Variants in DLGAP1 observed in about 807,000 individuals in gnomAD.
DLGAP1 encodes the protein DLG associated protein 1.
Under a neutral mutation model 90.8 loss-of-function variants are expected in DLGAP1, and 11 were observed. That is an observed-to-expected ratio of 0.12 (90% CI 0.08 to 0.20). DLGAP1 has a LOEUF of 0.20. DLGAP1 is among the 10% of genes least tolerant of loss of function. DLGAP1 has a pLI of 1.00. For missense variants in DLGAP1, 1,050 were observed against 1,333.8 expected (o/e 0.79, Z 3.31); for synonymous variants, 558 against 540.7 (o/e 1.03, Z -0.44).
intron 1 of DLGAP1, among the ~76,000 whole-genome samples, chr18:4,266,709 A>G (rs1311702096): frequency 6.6e-6 from 1 of 152,254 alleles, no homozygotes; most frequent in East Asian, 1.9e-4. Flanking sequence ...TAAAAGCTCA[A>G]TGATATTTGG....
intron 4 of DLGAP1, among the ~76,000 whole-genome samples, chr18:3,842,649 C>T (rs990656384): frequency 6.6e-6 from 1 of 150,684 alleles, no homozygotes; most frequent in African/African-American, 2.4e-5. Context: ...AGAGGAGAGA[C>T]ACGAGGGTGA....
Position 4,334,193 on chromosome 18 carries a change from G to A in DLGAP1, c.-267+120813C>T, listed in dbSNP as rs1028692983. ...GCAGAGGTTGTGGTGAGCCGAGATC[G>A]CGTCATTGCACTCCAGCCCGGGCAA... On this transcript the variant is annotated intron_variant, in intron 1 of 12. Coordinates refer to ENST00000315677, the MANE Select transcript of DLGAP1 (RefSeq NM_004746.4). 7.9e-5 allele frequency among the ~76,000 whole-genome samples: 12 copies of A among 151,584 alleles called. 1 individual carries two copies. Among genetic ancestry groups the A allele is most frequent in the African/African-American group, 1.5e-4 (6 of 41,040 alleles).
intron 3 of DLGAP1, among the ~76,000 whole-genome samples, chr18:3,937,823 G>T (rs574807763): frequency 9.2e-5 from 14 of 152,158 alleles, no homozygotes; most frequent in Non-Finnish European, 2.1e-4. Flanking sequence ...GCGATTAAGC[G>T]TGAGGGCTTT....
chr18:3,695,520 T>C (rs974013654), intron 7 of DLGAP1, among the ~76,000 whole-genome samples: 6 of 152,190 alleles, frequency 3.9e-5, no homozygotes, highest in Non-Finnish European at 8.8e-5. Flanking sequence ...TATAGATGTG[T>C]GGCATTATTT....
chr18:4,114,047 T>G (rs1703160585), intron 2 of DLGAP1, among the ~76,000 whole-genome samples: 1 of 143,156 alleles, frequency 7.0e-6, no homozygotes, highest in Non-Finnish European at 1.5e-5. Flanking sequence ...AGTAATGTGA[T>G]GCCTCTGGCT....
At chr18:3,780,450 G>A (rs1172604706) in intron 5 of DLGAP1, among the ~76,000 whole-genome samples, 1 of 152,094 alleles carries the variant, frequency 6.6e-6, no homozygotes, top group Non-Finnish European at 1.5e-5. Context: ...GCTTTTAGAG[G>A]CCTCCTGTAT....
chr18:4,148,512 A>G (rs897224863), intron 2 of DLGAP1, among the ~76,000 whole-genome samples: 5 of 152,186 alleles, frequency 3.3e-5, no homozygotes, highest in Non-Finnish European at 5.9e-5. Flanking sequence ...TGTTCAGGTG[A>G]GAAGACACAG....
chr18:3,928,890 G>C (rs530923108), intron 3 of DLGAP1, among the ~76,000 whole-genome samples: 1 of 152,292 alleles, frequency 6.6e-6, no homozygotes, highest in Admixed American at 6.5e-5. Context: ...GTAGGACCTG[G>C]TGGGAGGTGA....
intron 1 of DLGAP1, among the ~76,000 whole-genome samples, chr18:4,213,695 T>A (rs1466545522): frequency 6.6e-6 from 1 of 152,148 alleles, no homozygotes; most frequent in African/African-American, 2.4e-5. Flanking sequence ...CAGTGTCAAA[T>A]AGCTGCAGAA....
chr18:3,570,339 T>A (rs1335581831), intron 8 of DLGAP1, among the ~76,000 whole-genome samples: 1 of 151,018 alleles, frequency 6.6e-6, no homozygotes, highest in Non-Finnish European at 1.5e-5. Context: ...AGTGCAGTGG[T>A]ATGATCTCGG....
chr18:4,059,219 G>T (rs2075265422), intron 2 of DLGAP1, among the ~76,000 whole-genome samples: 2 of 152,168 alleles, frequency 1.3e-5, no homozygotes, highest in Non-Finnish European at 2.9e-5. Context: ...ATGAATGGGG[G>T]CTGCCCTGTT....
intron 3 of DLGAP1, chr18:3,977,807 C>T: frequency 2.6e-6 from 1 of 388,242 alleles, no homozygotes; most frequent in South Asian, 2.1e-5. Flanking sequence ...TCAGAGGCGA[C>T]AACCTGGTGC....
intron 1 of DLGAP1, among the ~76,000 whole-genome samples, chr18:4,186,648 T>C (rs2077300815): frequency 6.6e-6 from 1 of 152,194 alleles, no homozygotes; most frequent in African/African-American, 2.4e-5. Context: ...TCTTTTTTTG[T>C]ACCAGTACCA....
intron 2 of DLGAP1, among the ~76,000 whole-genome samples, chr18:4,016,330 G>A (rs1431552969): frequency 6.6e-6 from 1 of 152,186 alleles, no homozygotes; most frequent in African/African-American, 2.4e-5. Context: ...GCTGGTGAGC[G>A]GCCTCACCTG....
At chr18:3,888,043 G>A (rs2071364015) in intron 3 of DLGAP1, among the ~76,000 whole-genome samples, 1 of 147,026 alleles carries the variant, frequency 6.8e-6, no homozygotes, top group African/African-American at 2.5e-5. Flanking sequence ...GGGAGGCGGA[G>A]CTTGCAGTGA....
intron 3 of DLGAP1, among the ~76,000 whole-genome samples, chr18:3,926,715 C>T (rs1009013110): frequency 6.6e-6 from 1 of 151,952 alleles, no homozygotes; most frequent in Non-Finnish European, 1.5e-5. Context: ...CGTACATATT[C>T]ACATATTTCC....
At chr18:4,284,866 G>A (rs1207973226) in intron 1 of DLGAP1, among the ~76,000 whole-genome samples, 2 of 152,154 alleles carry the variant, frequency 1.3e-5, no homozygotes, top group East Asian at 1.9e-4. Flanking sequence ...TAGTCCCATT[G>A]TACTCTATGC....
At chr18:3,683,655 G>A (rs1163074301) in intron 7 of DLGAP1, among the ~76,000 whole-genome samples, 1 of 152,098 alleles carries the variant, frequency 6.6e-6, no homozygotes, top group African/African-American at 2.4e-5. Context: ...TCAGACAAAG[G>A]ATTATCATCA....
intron 1 of DLGAP1, among the ~76,000 whole-genome samples, chr18:4,372,388 T>C (rs1306207957): frequency 6.6e-6 from 1 of 152,202 alleles, no homozygotes. Context: ...TGTGAGGGGT[T>C]CAGTTGAGTG....
Sources: gnomAD v4.1 joint callset for allele counts (sites outside exome capture counted in the v4.1 genomes callset) on GRCh38, gnomAD v4.1.1 for gene constraint, MANE v1.5 for transcripts, NCBI Gene and HGNC (gene_info 2026-07-23, HGNC 2026-07-21) for gene names.